Variants in PGAP6 observed in about 807,000 individuals in gnomAD.
PGAP6 encodes the protein post-GPI attachment to proteins factor 6.
Under a neutral mutation model 68.4 loss-of-function variants are expected in PGAP6, and 62 were observed. The observed-to-expected ratio is 0.91, with a 90% CI of 0.74 to 1.12. The LOEUF is 1.12. PGAP6 is among the 50% of genes most tolerant of loss of function. The probability of loss-of-function intolerance (pLI) is 0.00; values close to 1 mark genes in which losing one functional copy is unlikely to be tolerated. For synonymous variants in PGAP6, 575 were observed against 474.0 expected (o/e 1.21, Z -2.77); for missense variants, 1,188 against 1,068.5 (o/e 1.11, Z -1.56).
chr16:385,540 T>G (rs1427224799), upstream of PGAP6, among the ~76,000 whole-genome samples: 1 of 150,468 alleles, frequency 6.6e-6, no homozygotes, highest in Non-Finnish European at 1.5e-5. Flanking sequence ...CTCGATCTCC[T>G]GACCTCATGA....
intron 1 of PGAP6, among the ~76,000 whole-genome samples, chr16:381,010 C>T (rs891827569): frequency 2.0e-5 from 3 of 152,254 alleles, no homozygotes; most frequent in Non-Finnish European, 4.4e-5. Context: ...ACGTCCCTAC[C>T]CCGTGGAAGG....
Position 374,402 on chromosome 16 carries a change from G to A in PGAP6, c.1577-3C>T, listed in dbSNP as rs1010072624. On this transcript the variant is annotated splice_polypyrimidine_tract_variant and splice_region_variant and intron_variant, in intron 9 of 12. Transcript: ENST00000431232. ...CGTGCAGCTCCACCCACGCCAGCCT[G>A]CGGTCACAAAACCCCGACGCGGAGG... 5.1e-6 allele frequency: 8 copies of A among 1,564,840 alleles called. No individual in the cohort carries two copies. In the African/African-American group the frequency reaches 1.1e-4, roughly 21 times the overall value.
At chr16:384,855 C>CAAAA (rs559192580), upstream of PGAP6, among the ~76,000 whole-genome samples, 1 of 110,192 alleles carries the variant, frequency 9.1e-6, no homozygotes, top group Admixed American at 9.5e-5. Context: ...GACTCCATCT[C>CAAAA]AAAAAAAAAA....
intron 1 of PGAP6, among the ~76,000 whole-genome samples, chr16:378,732 G>A (rs150852716): frequency 1.3e-5 from 2 of 152,302 alleles, no homozygotes; most frequent in African/African-American, 4.8e-5. Context: ...CTTTGGACAC[G>A]GCGAGACCGG....
chr16:380,733 C>G (rs1247683992), intron 1 of PGAP6, among the ~76,000 whole-genome samples: 3 of 145,830 alleles, frequency 2.1e-5, no homozygotes, highest in Admixed American at 7.2e-5. Flanking sequence ...GTGCCAAGCT[C>G]AGAAAGCAGG....
At position 381,945 on chromosome 16, in the gene PGAP6, C is replaced by G; in HGVS notation, c.-124G>C. The G allele has an allele frequency of 1.1e-5, 11 of 973,184 alleles. No individual in the cohort carries two copies. Among genetic ancestry groups the G allele is most frequent in the Non-Finnish European group, 1.2e-5 (10 of 820,600 alleles). The allele number at this position is 973,184 out of a possible 1,614,324, so 60.3% of individuals were successfully genotyped here. A position where few individuals can be genotyped will look rare whatever the true frequency, so the allele number is the denominator to read the frequency against. On this transcript the variant is annotated 5_prime_UTR_variant, in exon 1 of 13. Transcript: ENST00000431232. ...CGCCTCTGCCCCCGGCGCCCATGGC[C>G]CGGCCGGTCCCCGCCGCCGTCGCCC...
chr16:376,035 G>A (rs568541117), intron 6 of PGAP6, 101 bp downstream of exon 6: 4 of 1,234,652 alleles, frequency 3.2e-6, no homozygotes, highest in Non-Finnish European at 4.4e-6. Flanking sequence ...TGGTGTCACT[G>A]TGCCGCCTGT....
Position 372,234 on chromosome 16 carries a change from C to G in PGAP6, c.2069G>C (p.Arg690Pro). 1 of 1,612,186 alleles carries G rather than the reference C, an allele frequency of 6.2e-7. No individual in the cohort carries two copies. ...RRQCYPTSWQ[R>P]WAFYLLPGVS... ...GCCGGGCAGGAGGTAGAAGGCCCAG[C>G]GCTGCCACGAGGTGGGGTAGCACTG... Residue 690 changes from arginine (R) to proline (P), a missense_variant, in exon 13 of 13, where the codon CGC becomes CCC. By Grantham distance (103) the Arg-to-Pro change is moderately radical. Coordinates refer to ENST00000431232, the MANE Select transcript of PGAP6 (RefSeq NM_021259.3).
rs1018089961 is a variant in PGAP6, at chr16:371,211, G to A, written c.*776C>T. 6.6e-6 allele frequency: 1 copy of A among 152,268 alleles called. No individual in the cohort carries two copies. The highest frequency in any genetic ancestry group is 6.5e-5 in the Admixed American group (1 of 15,276). The allele number at this position is 152,268 out of a possible 1,614,324, so 9.4% of individuals were successfully genotyped here. On this transcript the variant is annotated 3_prime_UTR_variant, in exon 13 of 13. Coordinates refer to ENST00000431232, the MANE Select transcript of PGAP6 (RefSeq NM_021259.3). Reference sequence around the variant, plus strand: ...CCCACAGGGCACAGAGCCCAGTGCAGGGGGCAGACACCACCGCAGCTCCTG... The same window carrying A: ...CCCACAGGGCACAGAGCCCAGTGCAAGGGGCAGACACCACCGCAGCTCCTG...
In PGAP6 at chr16:381,695, G is replaced by A; in HGVS notation, c.121+6C>T. 4 of 1,199,452 alleles carry A rather than the reference G, an allele frequency of 3.3e-6. No homozygotes were observed. The highest frequency in any genetic ancestry group is 4.1e-6 in the Non-Finnish European group (4 of 966,502). The allele number at this position is 1,199,452 out of a possible 1,614,324, so 74.3% of individuals were successfully genotyped here. On this transcript the variant is annotated splice_donor_region_variant and intron_variant, in intron 1 of 12. Transcript: ENST00000431232. ...GCCCCCGATGGCGCCCGCGCCTCCC[G>A]CTCACCGCTCTTCCCGCTGTAGCCG... is the stretch of plus-strand genomic sequence containing the variant.
intron 3 of PGAP6, 47 bp from the exon 4 acceptor site, chr16:377,211 G>A (rs773892233): frequency 3.1e-6 from 5 of 1,610,958 alleles, no homozygotes; most frequent in East Asian, 2.2e-5. Context: ...GAGAATGCAG[G>A]TGTGAGGGCA....
chr16:379,877 G>A (rs942635329), intron 1 of PGAP6, among the ~76,000 whole-genome samples: 1 of 152,176 alleles, frequency 6.6e-6, no homozygotes, highest in African/African-American at 2.4e-5. Context: ...TGACCACAGG[G>A]TGAGGAGGGC....
chr16:380,645 C>T (rs746541834), intron 1 of PGAP6, among the ~76,000 whole-genome samples: 2 of 152,240 alleles, frequency 1.3e-5, no homozygotes, highest in East Asian at 3.9e-4. Flanking sequence ...GGATTGCAGG[C>T]GTGAGCTTCG....
In PGAP6 at chr16:375,491, C is replaced by T. The variant is rs1212567299; in HGVS notation, c.1225-56G>A. The T allele has an allele frequency of 5.6e-6, 8 of 1,440,098 alleles. No homozygotes were observed. The East Asian group carries it at 1.6e-4, about 29-fold the overall frequency. The allele number at this position is 1,440,098 out of a possible 1,614,324, so 89.2% of individuals were successfully genotyped here. On this transcript the variant is annotated intron_variant, in intron 6 of 12. Coordinates refer to ENST00000431232, the MANE Select transcript of PGAP6 (RefSeq NM_021259.3). ...CAGCAGCCCCTGGCCGCAGTGGGGT[C>T]ATCTGCCCCACGTGCCAGCTCAGCC...
chr16:383,238 AC>A (rs1405783200), upstream of PGAP6: 1 of 152,138 alleles, frequency 6.6e-6, no homozygotes, highest in African/African-American at 2.4e-5. Context: ...CATTAAAGTG[AC>A]TTCTTTTTCC....
intron 3 of PGAP6, 93 bp downstream of exon 3, chr16:377,285 C>T: frequency 6.4e-7 from 1 of 1,573,146 alleles, no homozygotes; most frequent in Non-Finnish European, 8.6e-7. Flanking sequence ...AGCGTGGAGC[C>T]TAGAGCGAGG....
chr16:381,980 C>T (rs2054444149), upstream of PGAP6: 10 of 959,594 alleles, frequency 1.0e-5, no homozygotes, highest in Non-Finnish European at 1.2e-5. Context: ...CCGGGCACTT[C>T]CGCCCGCAGG....
rs771144102 is a variant in PGAP6, at chr16:376,398, C to T, written c.962G>A (p.Ser321Asn). 1.1e-5 allele frequency: 17 copies of T among 1,604,224 alleles called. No homozygotes were observed. The highest frequency in any genetic ancestry group is 1.4e-5 in the Non-Finnish European group (16 of 1,174,480). Residue 321 changes from serine (S) to asparagine (N), a missense_variant, in exon 6 of 13, where the codon AGC (serine) becomes AAC (asparagine). Transcript: ENST00000431232. ...QPLLQSSQNQ[S>N]FNASSGLLSP... ...CAGCAGACCAGAGGAGGCATTGAAG[C>T]TCTGGTTTTGGCTGCTCTGCAGAAG...
At chr16:383,136 C>A (rs2141769854), upstream of PGAP6, among the ~76,000 whole-genome samples, 1 of 150,526 alleles carries the variant, frequency 6.6e-6, no homozygotes, top group South Asian at 2.1e-4. Flanking sequence ...AACACAAAAA[C>A]AAAAACAAAA....
Sources: gnomAD v4.1 joint callset for allele counts (sites outside exome capture counted in the v4.1 genomes callset) on GRCh38, gnomAD v4.1.1 for gene constraint, MANE v1.5 for transcripts, NCBI Gene and HGNC (gene_info 2026-07-23, HGNC 2026-07-21) for gene names.